The following MAP3K5 variants were observed in gnomAD, a reference collection of about 807,000 sequenced individuals.
MAP3K5 encodes the protein mitogen-activated protein kinase kinase kinase 5.
MAP3K5 carries 56 observed loss-of-function variants against 158.7 expected under a neutral mutation model. The ratio of observed to expected loss-of-function variants is 0.35; its 90% CI spans 0.28 to 0.44. MAP3K5 has a LOEUF of 0.44. MAP3K5 is among the 20% of genes least tolerant of loss of function. The probability of loss-of-function intolerance (pLI) is 1.00; values close to 1 mark genes in which losing one functional copy is unlikely to be tolerated. For synonymous variants in MAP3K5, 579 were observed against 601.7 expected, an observed-to-expected ratio of 0.96 and a Z score of 0.55; for missense variants, 1,294 against 1,674.8, an observed-to-expected ratio of 0.77 and a Z score of 3.97.
intron 7 of MAP3K5, among the ~76,000 whole-genome samples, chr6:136,692,735 C>T (rs760850454): frequency 6.6e-6 from 1 of 152,108 alleles, no homozygotes; most frequent in Non-Finnish European, 1.5e-5. Context: ...CGTTTTTAAG[C>T]CTTGTTTAAG....
chr6:136,581,348 T>A (rs115292519), intron 24 of MAP3K5, among the ~76,000 whole-genome samples: 1 of 152,212 alleles, frequency 6.6e-6, no homozygotes, highest in African/African-American at 2.4e-5. Flanking sequence ...ATCATGTGCA[T>A]TACCTTTGTA....
intron 28 of MAP3K5, 49 bp from the exon 29 acceptor site, chr6:136,558,925 TA>T: frequency 2.2e-6 from 2 of 926,692 alleles, no homozygotes; most frequent in Non-Finnish European, 3.5e-6. Flanking sequence ...ATAACTTTAA[TA>T]AAGCACAAAC....
At chr6:136,666,943 T>G (rs1779253518) in intron 8 of MAP3K5, among the ~76,000 whole-genome samples, 2 of 152,244 alleles carry the variant, frequency 1.3e-5, no homozygotes. Flanking sequence ...TTGTTTAACA[T>G]GTATTACAAG....
intron 21 of MAP3K5, among the ~76,000 whole-genome samples, chr6:136,597,966 A>G (rs917758084): frequency 2.0e-5 from 3 of 152,342 alleles, no homozygotes; most frequent in Admixed American, 2.0e-4. Flanking sequence ...TGTATTGGAC[A>G]GGGCAGATAA....
At chr6:136,765,679 ATTTTTT>A (rs780589836) in intron 1 of MAP3K5, among the ~76,000 whole-genome samples, 31 of 120,022 alleles carry the variant, frequency 2.6e-4, no homozygotes, top group African/African-American at 7.0e-4. Flanking sequence ...TGCCTGGCTA[ATTTTTT>A]TTTTTTTTTT....
intron 28 of MAP3K5, among the ~76,000 whole-genome samples, chr6:136,560,115 A>G (rs1400685784): frequency 6.6e-6 from 1 of 152,198 alleles, no homozygotes; most frequent in Non-Finnish European, 1.5e-5. Flanking sequence ...TCTATCAAAT[A>G]TTACAATGTT....
At chr6:136,574,224 C>T (rs538525118) in intron 25 of MAP3K5, among the ~76,000 whole-genome samples, 1 of 152,306 alleles carries the variant, frequency 6.6e-6, no homozygotes, top group African/African-American at 2.4e-5. Flanking sequence ...AGCCACCACG[C>T]TTGGCCTAGA....
At chr6:136,706,075 T>C (rs1781064746) in intron 2 of MAP3K5, among the ~76,000 whole-genome samples, 1 of 152,072 alleles carries the variant, frequency 6.6e-6, no homozygotes, top group Non-Finnish European at 1.5e-5. Context: ...CTGGCCAACA[T>C]GGTGAAACTC....
chr6:136,611,174 A>T, intron 18 of MAP3K5, 108 bp downstream of exon 18: 1 of 582,310 alleles, frequency 1.7e-6, no homozygotes. Flanking sequence ...AGATACCAAC[A>T]TTACTGTGTG....
At chr6:136,580,826 T>C (rs958024087) in intron 24 of MAP3K5, among the ~76,000 whole-genome samples, 1 of 152,142 alleles carries the variant, frequency 6.6e-6, no homozygotes, top group African/African-American at 2.4e-5. Flanking sequence ...TTATTTCATT[T>C]GTTTTGGAGA....
At chr6:136,645,350 G>A (rs1328416740) in intron 11 of MAP3K5, among the ~76,000 whole-genome samples, 1 of 152,136 alleles carries the variant, frequency 6.6e-6, no homozygotes, top group East Asian at 1.9e-4. Context: ...TCTAGAATCA[G>A]GGGTAAGCAT....
At chr6:136,631,811 C>T (rs909742562) in intron 14 of MAP3K5, among the ~76,000 whole-genome samples, 11 of 152,086 alleles carry the variant, frequency 7.2e-5, no homozygotes, top group African/African-American at 2.7e-4. Context: ...CACCTGGCAC[C>T]ATGTGAGCTC....
rs1776253116 is a variant in MAP3K5, at chr6:136,609,822, GT to G, written c.2521+1459del. 1.3e-5 allele frequency among the ~76,000 whole-genome samples: 2 copies of G among 150,726 alleles called. No homozygotes were observed. The highest frequency in any genetic ancestry group is 3.0e-5 in the Non-Finnish European group (2 of 67,730). The stretch of plus-strand genomic sequence containing the variant: ...AAGAAAAAACAAAAACAAAAAAACA[GT>G]TTTGCCAGGCATGACATCCTAGATA... On this transcript the variant is annotated intron_variant, in intron 18 of 29. Transcript: ENST00000359015. This position sits in a 1 kb window ranked among gnomAD's most constrained non-coding sequence, Gnocchi z 4.4.
chr6:136,616,781 T>C (rs1776585591), intron 15 of MAP3K5, among the ~76,000 whole-genome samples: 1 of 152,078 alleles, frequency 6.6e-6, no homozygotes, highest in Non-Finnish European at 1.5e-5. Context: ...CAGGCTGGAA[T>C]GCAGTGGCAC....
chr6:136,637,431 C>A (rs1167893654), intron 13 of MAP3K5, 25 bp from the exon 14 acceptor site: 4 of 1,267,498 alleles, frequency 3.2e-6, no homozygotes, highest in Non-Finnish European at 3.5e-6. Flanking sequence ...AGCACGTGAG[C>A]ATTCATAACA....
chr6:136,792,817 C>G (rs986386885), upstream of MAP3K5, among the ~76,000 whole-genome samples: 2 of 152,206 alleles, frequency 1.3e-5, no homozygotes, highest in African/African-American at 4.8e-5. The surrounding 1 kb of genome is among the most constrained non-coding windows in gnomAD (Gnocchi z 5.7). Flanking sequence ...GCGCCAGCCT[C>G]GTCGTTCCTT....
chr6:136,651,427 A>G (rs761321935), intron 10 of MAP3K5, among the ~76,000 whole-genome samples: 3 of 152,254 alleles, frequency 2.0e-5, no homozygotes, highest in Non-Finnish European at 4.4e-5. Flanking sequence ...CATGTACTAC[A>G]TAAGCTATTT....
intron 2 of MAP3K5, among the ~76,000 whole-genome samples, chr6:136,711,422 T>C (rs1781302000): frequency 6.6e-6 from 1 of 152,086 alleles, no homozygotes; most frequent in Admixed American, 6.6e-5. Context: ...CACAGCACTT[T>C]GGGAGGCAGA....
intron 2 of MAP3K5, among the ~76,000 whole-genome samples, chr6:136,712,170 T>C (rs1239225323): frequency 1.4e-5 from 2 of 144,214 alleles, no homozygotes; most frequent in Middle Eastern, 7.2e-3. Flanking sequence ...AAGCATTTAA[T>C]AGAGCTTTTT....
Sources: allele counts gnomAD v4.1 joint callset (sites outside exome capture counted in the v4.1 genomes callset), GRCh38; gene constraint gnomAD v4.1.1; non-coding constraint Gnocchi (gnomAD v3.1); transcripts MANE v1.5; gene names NCBI Gene and HGNC (gene_info 2026-07-23, HGNC 2026-07-21).